The following PTPRT variants were observed in gnomAD, a reference collection of about 807,000 sequenced individuals.
PTPRT encodes the protein receptor-type tyrosine-protein phosphatase T.
A neutral mutation model predicts 176.8 loss-of-function variants in PTPRT; 56 were observed. The ratio of observed to expected loss-of-function variants is 0.32; its 90% CI spans 0.26 to 0.40. The LOEUF is 0.40. PTPRT is among the 10% of genes least tolerant of loss of function. The pLI is 1.00. For missense variants in PTPRT, 1,540 were observed against 1,908.2 expected (o/e 0.81, Z 3.60); for synonymous variants, 783 against 739.0 (o/e 1.06, Z -0.96).
At chr20:42,397,819 C>T (rs544721492) in intron 9 of PTPRT, among the ~76,000 whole-genome samples, 1 of 152,138 alleles carries the variant, frequency 6.6e-6, no homozygotes, top group Admixed American at 6.5e-5. Context: ...AGTGGGATTG[C>T]TGGGTCAAAT....
chr20:43,163,653 C>CAA (rs760611787), intron 1 of PTPRT, among the ~76,000 whole-genome samples: 3 of 146,704 alleles, frequency 2.0e-5, no homozygotes, highest in African/African-American at 7.5e-5. Flanking sequence ...CAAAACAAAA[C>CAA]AAAAAAAAAA....
intron 12 of PTPRT, among the ~76,000 whole-genome samples, chr20:42,285,807 A>G (rs946487145): frequency 6.6e-6 from 1 of 151,758 alleles, no homozygotes; most frequent in African/African-American, 2.4e-5. Context: ...TACCAAAAAA[A>G]CACTCCTAGA....
intron 6 of PTPRT, among the ~76,000 whole-genome samples, chr20:42,708,497 C>T (rs763339875): frequency 5.3e-5 from 8 of 152,160 alleles, no homozygotes; most frequent in Non-Finnish European, 1.2e-4. Flanking sequence ...CACAGGCCCT[C>T]CTTGTGGCCA....
At chr20:42,838,310 G>A (rs778603202) in intron 2 of PTPRT, among the ~76,000 whole-genome samples, 6 of 152,156 alleles carry the variant, frequency 3.9e-5, no homozygotes, top group East Asian at 1.9e-4. Flanking sequence ...GAGTCACTGC[G>A]CTCAGCCCAA....
At chr20:42,692,297 A>G (rs2075805284) in intron 6 of PTPRT, among the ~76,000 whole-genome samples, 1 of 152,240 alleles carries the variant, frequency 6.6e-6, no homozygotes, top group African/African-American at 2.4e-5. Context: ...AAAATCCTAC[A>G]TATTGTATTA....
At chr20:42,268,108 C>A (rs945834943) in intron 13 of PTPRT, among the ~76,000 whole-genome samples, 1 of 152,104 alleles carries the variant, frequency 6.6e-6, no homozygotes, top group Non-Finnish European at 1.5e-5. Context: ...TGCTTAAAGT[C>A]TAATATCCCC....
chr20:42,813,828 A>T (rs1001070845), intron 2 of PTPRT, among the ~76,000 whole-genome samples: 1 of 152,136 alleles, frequency 6.6e-6, no homozygotes, highest in Non-Finnish European at 1.5e-5. Flanking sequence ...GATTCACTAC[A>T]TCTACTTGCA....
At chr20:42,124,651 C>T (rs7266279) in intron 19 of PTPRT, among the ~76,000 whole-genome samples, 3,128 of 152,242 alleles carry the variant, frequency 0.021, 114 homozygotes, top group African/African-American at 0.07. Flanking sequence ...ATTGTGGCTG[C>T]GTTGGAGACC....
At chr20:43,024,103 G>T (rs1228368706) in intron 1 of PTPRT, among the ~76,000 whole-genome samples, 2 of 152,010 alleles carry the variant, frequency 1.3e-5, no homozygotes, top group Admixed American at 1.3e-4. Flanking sequence ...ACAGTGCCTG[G>T]GTGCAAAACA....
chr20:42,659,528 A>T (rs2075185554), intron 7 of PTPRT, among the ~76,000 whole-genome samples: 1 of 152,208 alleles, frequency 6.6e-6, no homozygotes, highest in African/African-American at 2.4e-5. Flanking sequence ...AGGGAGTTAG[A>T]GTCTAATCTA....
At chr20:42,993,727 C>G (rs1984078489) in intron 1 of PTPRT, among the ~76,000 whole-genome samples, 1 of 151,654 alleles carries the variant, frequency 6.6e-6, no homozygotes, top group Admixed American at 6.6e-5. Flanking sequence ...ACTGGTAAAC[C>G]AAGACATATG....
intron 7 of PTPRT, among the ~76,000 whole-genome samples, chr20:42,654,453 A>C (rs2075087852): frequency 6.6e-6 from 1 of 152,206 alleles, no homozygotes; most frequent in Non-Finnish European, 1.5e-5. Context: ...AGAACATCCC[A>C]CACCAGACAT....
chr20:42,957,262 G>T (rs528036979), intron 1 of PTPRT, among the ~76,000 whole-genome samples: 6 of 152,114 alleles, frequency 3.9e-5, no homozygotes, highest in Admixed American at 3.9e-4. Context: ...AGCAGTACAC[G>T]GCAAGCCAAT....
At chr20:43,093,990 A>T (rs1180742385) in intron 1 of PTPRT, among the ~76,000 whole-genome samples, 1 of 152,018 alleles carries the variant, frequency 6.6e-6, no homozygotes, top group Non-Finnish European at 1.5e-5. Context: ...CACCATTAAA[A>T]ATGAGCCCCA....
chr20:42,311,475 G>A (rs1443065521), intron 12 of PTPRT, among the ~76,000 whole-genome samples: 1 of 152,160 alleles, frequency 6.6e-6, no homozygotes, highest in Non-Finnish European at 1.5e-5. Flanking sequence ...AGAGTAGGGA[G>A]CAATGAAATT....
intron 5 of PTPRT, among the ~76,000 whole-genome samples, chr20:42,760,406 T>TTA (rs2076898808): frequency 7.3e-6 from 1 of 137,418 alleles, no homozygotes; most frequent in South Asian, 2.2e-4. Flanking sequence ...TTTTTTTTTT[T>TTA]TACACATGGG....
At chr20:42,641,307 T>G (rs572166420) in intron 7 of PTPRT, among the ~76,000 whole-genome samples, 2 of 152,258 alleles carry the variant, frequency 1.3e-5, no homozygotes, top group South Asian at 2.1e-4. Context: ...CTAAGGGTAA[T>G]TGCATGAACT....
At chr20:42,945,337 A>G (rs1980813513) in intron 1 of PTPRT, among the ~76,000 whole-genome samples, 1 of 152,126 alleles carries the variant, frequency 6.6e-6, no homozygotes, top group African/African-American at 2.4e-5. Context: ...GACTTGTGCC[A>G]CCACCAATCA....
At chr20:42,865,213 A>T (rs1202030874) in intron 2 of PTPRT, among the ~76,000 whole-genome samples, 2 of 152,156 alleles carry the variant, frequency 1.3e-5, no homozygotes, top group Non-Finnish European at 2.9e-5. Context: ...GTATTACCTA[A>T]TCAGGGCTCT....
Sources: allele counts gnomAD v4.1 joint callset (sites outside exome capture counted in the v4.1 genomes callset), GRCh38; gene constraint gnomAD v4.1.1; transcripts MANE v1.5; gene names NCBI Gene and HGNC (gene_info 2026-07-23, HGNC 2026-07-21).